Variants in TMEM259 observed in about 807,000 individuals in gnomAD.
TMEM259 encodes transmembrane protein 259.
TMEM259 carries 26 observed loss-of-function variants against 46.7 expected under a neutral mutation model. The ratio of observed to expected loss-of-function variants is 0.56; its 90% CI spans 0.41 to 0.77. TMEM259 has a LOEUF of 0.77. Among genes scored for constraint, TMEM259 ranks in the 30% least tolerant of loss-of-function variants. The probability of loss-of-function intolerance (pLI) is 0.00; values close to 1 mark genes in which losing one functional copy is unlikely to be tolerated. For missense variants in TMEM259, 930 were observed against 900.5 expected, an observed-to-expected ratio of 1.03 and a Z score of -0.42; for synonymous variants, 494 against 395.1, an observed-to-expected ratio of 1.25 and a Z score of -2.97.
At position 1,011,379 on chromosome 19, in the gene TMEM259, C is replaced by T. The variant is rs1314588994; in HGVS notation, c.1205G>A (p.Arg402Gln). The T allele has an allele frequency of 3.2e-6, 5 of 1,572,292 alleles. No homozygotes were observed. The highest frequency in any genetic ancestry group is 2.4e-5 in the East Asian group (1 of 42,274). Residue 402 changes from arginine to glutamine, a missense_variant, in exon 9 of 11, where the codon CGG becomes CAG. Physicochemically the swap from Arg to Gln is conservative, Grantham distance 43 (BLOSUM62 1). Coordinates refer to ENST00000356663, the MANE Select transcript of TMEM259 (RefSeq NM_001033026.2). ...GCGCCACGCTCACCGCAGCCAATGC[C>T]GCTTGCTGGTGCTGGTGTGGCAGCA... The part of the protein sequence containing the change: ...AICCHTSTSK[R>Q]HWLRFFYLYH...
chr19:1,013,964 G>A (rs114895164), intron 2 of TMEM259, among the ~76,000 whole-genome samples: 2,625 of 152,222 alleles, frequency 0.017, 91 homozygotes, highest in African/African-American at 0.061. Flanking sequence ...TCCTCCCCGA[G>A]ATCCCCCTGC....
rs1314615752 is a variant in TMEM259 at position 1,014,605 on chromosome 19, C to T, written c.226-132G>A. On this transcript the variant is annotated intron_variant, in intron 1 of 10. Coordinates refer to ENST00000356663, the MANE Select transcript of TMEM259 (RefSeq NM_001033026.2). ...GGGAAAGGAAGGAAACCCCAGAAGC[C>T]GAATTGGGCTCTGAGGACCCTGGGT... 3.5e-5 allele frequency: 38 copies of T among 1,085,388 alleles called. No homozygotes were observed. In the South Asian group the frequency reaches 4.0e-4, roughly 11 times the overall value. 67.2% of individuals were successfully genotyped at this position (1,085,388 alleles called of 1,614,324 possible).
At chr19:1,013,130 C>G (rs981675391) in intron 3 of TMEM259, 111 bp downstream of exon 3, 3 of 987,086 alleles carry the variant, frequency 3.0e-6, no homozygotes, top group Non-Finnish European at 4.7e-6. Flanking sequence ...CTCAACGGTC[C>G]AGGACATGCA....
chr19:1,014,008 G>A (rs2039024401), intron 2 of TMEM259, among the ~76,000 whole-genome samples, 184 bp downstream of exon 2: 1 of 152,178 alleles, frequency 6.6e-6, no homozygotes, highest in Admixed American at 6.5e-5. Flanking sequence ...GACAGGCCGA[G>A]GGTCTTGCTT....
intron 1 of TMEM259, among the ~76,000 whole-genome samples, chr19:1,019,440 G>GT (rs1210284055): frequency 8.5e-5 from 13 of 152,356 alleles, no homozygotes; most frequent in African/African-American, 3.1e-4. Context: ...GCCTGCCTGC[G>GT]TAACCCTTCA....
Position 1,009,846 on chromosome 19 carries a change from A to G in TMEM259, c.*504T>C, listed in dbSNP as rs578003248. The stretch of plus-strand genomic sequence containing the variant: ...GTTGGCGCCTGCACCCCACGTCCCT[A>G]TGCCCGAGGCGCAAGCTCTGCTCTC... On this transcript the variant is annotated 3_prime_UTR_variant, in exon 11 of 11. Transcript: ENST00000356663. 1.4e-4 allele frequency: 58 copies of G among 414,210 alleles called. 1 individual carries two copies. The highest frequency in any genetic ancestry group is 1.1e-3 in the African/African-American group (55 of 47,996). The allele number at this position is 414,210 out of a possible 1,614,324, so 25.7% of individuals were successfully genotyped here.
rs1487606549 is a variant in TMEM259, at chr19:1,010,461, G to C, written c.1752C>G (p.Val584=). 1.2e-5 allele frequency: 18 copies of C among 1,540,244 alleles called. No homozygotes were observed. The highest frequency in any genetic ancestry group is 1.6e-5 in the Non-Finnish European group (18 of 1,143,412). ...CAGAAGCTGCGGAGTCACTCGGGGGGACACTGTCCTGGGGGGCGTGGGGGA... is the reference window on the plus strand; with the variant it reads ...CAGAAGCTGCGGAGTCACTCGGGGGCACACTGTCCTGGGGGGCGTGGGGGA... ...GGLPHAPQDS[V]PPSDSAASDT... is the part of the protein sequence containing the mutation. The change falls in exon 11 of 11, where the codon GTC becomes GTG. Residue 584 remains valine (V), a synonymous_variant. Coordinates refer to ENST00000356663, the MANE Select transcript of TMEM259 (RefSeq NM_001033026.2).
At position 1,011,406 on chromosome 19, in the gene TMEM259, A is replaced by T; in HGVS notation, c.1178T>A (p.Ile393Asn). 6.4e-7 allele frequency: 1 copy of T among 1,564,676 alleles called. No individual in the cohort carries two copies. Among genetic ancestry groups the T allele is most frequent in the Non-Finnish European group, 8.6e-7 (1 of 1,157,480 alleles). ...CTTGCTGGTGCTGGTGTGGCAGCAG[A>T]TGGCGTCATACTGGTCCGCGAGCCA... The part of the protein sequence containing the change: ...IVWLADQYDA[I>N]CCHTSTSKRH... The change falls in exon 9 of 11, where the codon ATC becomes AAC. Residue 393 changes from isoleucine to asparagine, a missense_variant. By Grantham distance (149) the Ile-to-Asn change is moderately radical. Transcript: ENST00000356663.
chr19:1,021,055 A>C lies in TMEM259; in HGVS notation c.-59T>G. 1 of 1,287,310 alleles carries C rather than the reference A, an allele frequency of 7.8e-7. No individual in the cohort carries two copies. Among genetic ancestry groups the C allele is most frequent in the South Asian group, 1.9e-5 (1 of 51,506 alleles). 79.7% of individuals were successfully genotyped at this position (1,287,310 alleles called of 1,614,324 possible). A position where few individuals can be genotyped will look rare whatever the true frequency, so the allele number is the denominator to read the frequency against. On this transcript the variant is annotated 5_prime_UTR_variant, in exon 1 of 11. It removes an upstream start codon present in the reference 5' UTR. Coordinates refer to ENST00000356663, the MANE Select transcript of TMEM259 (RefSeq NM_001033026.2). ...TGTCCGAGGGCGCCTCCCGGCCGCC[A>C]TCGGCCGCCCTCGCAGCCGCCGCTC... is the stretch of plus-strand genomic sequence containing the variant.
chr19:1,017,786 G>A (rs1460909736), intron 1 of TMEM259, among the ~76,000 whole-genome samples: 1 of 152,120 alleles, frequency 6.6e-6, no homozygotes, highest in African/African-American at 2.4e-5. Context: ...GGACACACAA[G>A]CCCGCGGAGC....
Position 1,013,247 on chromosome 19 carries a change from T to G in TMEM259, c.601A>C (p.Thr201Pro), listed in dbSNP as rs769146786. Residue 201 changes from threonine (T) to proline (P), a missense_variant, in exon 3 of 11, where the codon ACC becomes CCC. Transcript: ENST00000356663. ...CCTTTGGTGGGTGGCCTACCTTTGG[T>G]GGGCGTCTCGGGGAAGGGGAACTCC... Reference protein sequence around the residue: ...SQEFPFPETPTKVWPQDEYIV... With the variant: ...SQEFPFPETPPKVWPQDEYIV... 13 of 1,613,548 alleles carry G rather than the reference T, an allele frequency of 8.1e-6. No individual in the cohort carries two copies. Among genetic ancestry groups the G allele is most frequent in the Non-Finnish European group, 1.0e-5 (12 of 1,179,640 alleles).
rs1179892108 is a variant in TMEM259 at position 1,021,062 on chromosome 19, G to A, written c.-66C>T. ...GGGCGCCTCCCGGCCGCCATCGGCC[G>A]CCCTCGCAGCCGCCGCTCTCCTCAC... is the stretch of plus-strand genomic sequence containing the variant. On this transcript the variant is annotated 5_prime_UTR_variant, in exon 1 of 11. Transcript: ENST00000356663. 14 of 1,272,844 alleles carry A rather than the reference G, an allele frequency of 1.1e-5. No homozygotes were observed. In the East Asian group the frequency reaches 3.2e-4, roughly 29 times the overall value. The allele number at this position is 1,272,844 out of a possible 1,614,324, so 78.8% of individuals were successfully genotyped here.
rs1455678367 is a variant in TMEM259, at chr19:1,011,851, TCCCGCCCGGCCAGCCCCCGCA to T, written c.942+20_942+40del. On this transcript the variant is annotated intron_variant, in intron 6 of 10. Transcript: ENST00000356663. ...GAGGGGCTGCGAGGGCCTGCTTGGCTCCCGCCCGGCCAGCCCCCGCACCCGCCCCGAGGCACTCACGAAGAT... is the reference window on the plus strand; with the variant it reads ...GAGGGGCTGCGAGGGCCTGCTTGGCTCCCGCCCCGAGGCACTCACGAAGAT... The T allele has an allele frequency of 3.1e-6, 5 of 1,591,086 alleles. No individual in the cohort carries two copies. The highest frequency in any genetic ancestry group is 3.4e-6 in the Non-Finnish European group (4 of 1,167,312).
intron 1 of TMEM259, among the ~76,000 whole-genome samples, chr19:1,018,880 C>G (rs1599490679): frequency 6.6e-6 from 1 of 152,034 alleles, no homozygotes; most frequent in Non-Finnish European, 1.5e-5. Flanking sequence ...CCTAGCTACT[C>G]CGCAGGCTGA....
In TMEM259 at chr19:1,010,397, G is replaced by C. The variant is rs77868901; in HGVS notation, c.1816C>G (p.Pro606Ala). 0.034 allele frequency: 51,044 copies of C among 1,515,050 alleles called. 1,040 individuals are homozygous for C. Among genetic ancestry groups the C allele is most frequent in the South Asian group, 0.059 (4,610 of 78,204 alleles). 93.9% of individuals were successfully genotyped at this position (1,515,050 alleles called of 1,614,324 possible). A position where few individuals can be genotyped will look rare whatever the true frequency, so the allele number is the denominator to read the frequency against. Residue 606 changes from proline to alanine, a missense_variant, in exon 11 of 11, where the codon CCG becomes GCG. Coordinates refer to ENST00000356663, the MANE Select transcript of TMEM259 (RefSeq NM_001033026.2). Reference protein sequence around the residue: ...PLGAAVGGPSPASMAPTEAPS... With the variant: ...PLGAAVGGPSAASMAPTEAPS... ...GCCTCCGTTGGGGCCATGGAGGCCG[G>C]GCTAGGCCCGCCTACCGCAGCCCCC... is the stretch of plus-strand genomic sequence containing the variant.
At chr19:1,014,609 T>C (rs2039048437) in intron 1 of TMEM259, 136 bp from the exon 2 acceptor site, 3 of 1,064,526 alleles carry the variant, frequency 2.8e-6, no homozygotes, top group Non-Finnish European at 2.7e-6. Context: ...AGAAGCCGAA[T>C]TGGGCTCTGA....
chr19:1,011,715 C>T, intron 7 of TMEM259, 26 bp downstream of exon 7: 1 of 1,532,614 alleles, frequency 6.5e-7, no homozygotes, highest in South Asian at 1.2e-5. Context: ...GACGCCCGCC[C>T]CGCCCTGCGC....
chr19:1,011,870 G>A (rs767764383), intron 6 of TMEM259, 22 bp downstream of exon 6: 32 of 1,395,510 alleles, frequency 2.3e-5, no homozygotes, highest in African/African-American at 5.8e-5. Context: ...GCCAGCCCCC[G>A]CACCCGCCCC....
chr19:1,019,407 G>A (rs2039214651), intron 1 of TMEM259, among the ~76,000 whole-genome samples: 1 of 152,242 alleles, frequency 6.6e-6, no homozygotes, highest in Non-Finnish European at 1.5e-5. Context: ...CCCCGTCTGT[G>A]GACCCCAGAG....
Sources: gnomAD v4.1 joint callset for allele counts (sites outside exome capture counted in the v4.1 genomes callset) on GRCh38, gnomAD v4.1.1 for gene constraint, MANE v1.5 for transcripts, NCBI Gene and HGNC (gene_info 2026-07-23, HGNC 2026-07-21) for gene names.